Variants in UBR3 observed in about 807,000 individuals in gnomAD.
UBR3 encodes the protein ubiquitin protein ligase E3 component n-recognin 3.
Under a neutral mutation model 243.2 loss-of-function variants are expected in UBR3, and 85 were observed. The ratio of observed to expected loss-of-function variants is 0.35; its 90% CI spans 0.29 to 0.42. The LOEUF (loss-of-function observed/expected upper bound fraction) is 0.42. Ranked by LOEUF, UBR3 falls within the 10% of genes least tolerant of loss-of-function variation. The pLI is 1.00. For synonymous variants in UBR3, 748 were observed against 799.8 expected, an observed-to-expected ratio of 0.94 and a Z score of 1.09; for missense variants, 1,686 against 2,300.8, an observed-to-expected ratio of 0.73 and a Z score of 5.47.
chr2:170,014,455 T>C (rs2090177850), intron 29 of UBR3: 1 of 151,878 alleles, frequency 6.6e-6, no homozygotes, highest in Non-Finnish European at 1.5e-5. Context: ...TCTAAGTGTA[T>C]TCATACTGTT....
At chr2:170,056,003 C>CTTTTTT (rs34415442) in intron 33 of UBR3, among the ~76,000 whole-genome samples, 16 of 88,904 alleles carry the variant, frequency 1.8e-4, no homozygotes, top group East Asian at 3.6e-4. Flanking sequence ...TCTTTTCTTT[C>CTTTTTT]TTTTTTTTTT....
chr2:169,972,106 T>A (rs868161332), intron 24 of UBR3, among the ~76,000 whole-genome samples: 2 of 152,076 alleles, frequency 1.3e-5, no homozygotes, highest in African/African-American at 4.8e-5. Flanking sequence ...CCCACAGAAA[T>A]ACAAACTACC....
intron 1 of UBR3, among the ~76,000 whole-genome samples, chr2:169,866,011 C>G (rs1170199006): frequency 1.3e-5 from 2 of 151,814 alleles, no homozygotes; most frequent in Non-Finnish European, 2.9e-5. Context: ...TGTAGATGGG[C>G]ATGGTGGTGC....
At chr2:169,942,344 A>T (rs1167749912) in intron 19 of UBR3, 149 bp from the exon 20 acceptor site, 1 of 731,214 alleles carries the variant, frequency 1.4e-6, no homozygotes, top group Non-Finnish European at 2.2e-6. Context: ...TGTGTAGAGA[A>T]TAGATACCTC....
chr2:169,979,647 C>T (rs1559153823), intron 24 of UBR3, among the ~76,000 whole-genome samples: 1 of 152,164 alleles, frequency 6.6e-6, no homozygotes, highest in East Asian at 1.9e-4. Context: ...AGTAGCCAAT[C>T]TGAAAATATT....
At chr2:170,053,769 G>T (rs916575247) in intron 32 of UBR3, among the ~76,000 whole-genome samples, 1 of 152,198 alleles carries the variant, frequency 6.6e-6, no homozygotes, top group Non-Finnish European at 1.5e-5. Flanking sequence ...AAGAATATCT[G>T]CAAGTTTTTG....
At position 169,994,804 on chromosome 2, in the gene UBR3, G is replaced by A. The variant is rs188598989; in HGVS notation, c.3918+348G>A. 2.0e-5 allele frequency among the ~76,000 whole-genome samples: 3 copies of A among 152,326 alleles called. No homozygotes were observed. In the East Asian group the frequency reaches 5.8e-4, roughly 29 times the overall value. ...CCCTACTGGGGCCACTGTCAGTGGGGAATTTATGTGTTCTCCCCATGTCTT... is the reference window on the plus strand; with the variant it reads ...CCCTACTGGGGCCACTGTCAGTGGGAAATTTATGTGTTCTCCCCATGTCTT... On this transcript the variant is annotated intron_variant, in intron 26 of 38. Transcript: ENST00000272793.
intron 1 of UBR3, among the ~76,000 whole-genome samples, chr2:169,857,774 A>G (rs1338571736): frequency 6.7e-6 from 1 of 149,576 alleles, no homozygotes; most frequent in Non-Finnish European, 1.5e-5. Context: ...GCAAGATTTC[A>G]CTGTTTCCCA....
At chr2:170,018,744 A>G (rs1298747906) in intron 30 of UBR3, among the ~76,000 whole-genome samples, 2 of 152,224 alleles carry the variant, frequency 1.3e-5, no homozygotes, top group African/African-American at 4.8e-5. Context: ...TCGTATATAC[A>G]GTAAGTACCA....
intron 19 of UBR3, among the ~76,000 whole-genome samples, chr2:169,942,180 G>A (rs576177874): frequency 1.3e-5 from 2 of 152,192 alleles, no homozygotes; most frequent in East Asian, 3.9e-4. Flanking sequence ...TTGCTTAATC[G>A]TTACAGCTGG....
chr2:170,040,164 A>C (rs2090931675), intron 31 of UBR3, among the ~76,000 whole-genome samples: 1 of 152,202 alleles, frequency 6.6e-6, no homozygotes, highest in African/African-American at 2.4e-5. Flanking sequence ...TTTGAGACAG[A>C]GTCTCACTTT....
At chr2:169,843,173 A>G (rs1008545294) in intron 1 of UBR3, among the ~76,000 whole-genome samples, 2 of 152,212 alleles carry the variant, frequency 1.3e-5, no homozygotes, top group East Asian at 1.9e-4. Context: ...CTTCGTATCA[A>G]TTTCTGGCTT....
chr2:169,924,177 T>C lies in UBR3; in HGVS notation c.2022+4T>C. ...GATTCACCCACTCCAAATTCAAGTA[T>C]GTATTCAGGCATTTAAAAAGTTTTG... On this transcript the variant is annotated splice_donor_region_variant and intron_variant, in intron 13 of 38. Transcript: ENST00000272793. The C allele has an allele frequency of 6.5e-7, 1 of 1,538,594 alleles. No individual in the cohort carries two copies.
intron 7 of UBR3, 136 bp from the exon 8 acceptor site, chr2:169,896,371 A>C: frequency 1.8e-6 from 1 of 569,638 alleles, no homozygotes; most frequent in Non-Finnish European, 2.9e-6. Flanking sequence ...CTCACCATCG[A>C]GATTTTTTTT....
At chr2:169,978,922 T>C (rs547431089) in intron 24 of UBR3, among the ~76,000 whole-genome samples, 3 of 152,204 alleles carry the variant, frequency 2.0e-5, no homozygotes, top group Non-Finnish European at 4.4e-5. Context: ...GCTCTGTAGC[T>C]CAGCCAGGGC....
chr2:169,882,067 ATATAAT>A (rs2083888180), intron 5 of UBR3, among the ~76,000 whole-genome samples: 1 of 125,772 alleles, frequency 8.0e-6, no homozygotes, highest in Admixed American at 9.2e-5. Context: ...TACACATATA[ATATAAT>A]TATATATGTA....
Position 169,926,754 on chromosome 2 carries a change from A to G in UBR3, c.2204+10A>G. On this transcript the variant is annotated intron_variant, in intron 15 of 38. Transcript: ENST00000272793. Reference sequence around the variant, plus strand: ...CATCCGTCTTTGAAAGGTAGGCATAATTTTATTAAGACAGGTATTAGGAAG... The same window carrying G: ...CATCCGTCTTTGAAAGGTAGGCATAGTTTTATTAAGACAGGTATTAGGAAG... 6.5e-7 allele frequency: 1 copy of G among 1,549,432 alleles called. No homozygotes were observed. The highest frequency in any genetic ancestry group is 8.7e-7 in the Non-Finnish European group (1 of 1,146,126).
At chr2:169,982,389 A>G (rs2105384751) in intron 24 of UBR3, among the ~76,000 whole-genome samples, 1 of 152,196 alleles carries the variant, frequency 6.6e-6, no homozygotes, top group South Asian at 2.1e-4. Context: ...ATTTATAAAT[A>G]TAAAGGTTAA....
intron 17 of UBR3, among the ~76,000 whole-genome samples, chr2:169,927,701 A>G (rs1383084411): frequency 6.6e-6 from 1 of 152,058 alleles, no homozygotes; most frequent in African/African-American, 2.4e-5. Flanking sequence ...GGACAGCATT[A>G]CTGAACGTTT....
Sources: gnomAD v4.1 joint callset for allele counts (sites outside exome capture counted in the v4.1 genomes callset) on GRCh38, gnomAD v4.1.1 for gene constraint, MANE v1.5 for transcripts, NCBI Gene and HGNC (gene_info 2026-07-23, HGNC 2026-07-21) for gene names.